TIMD4: variants seen among roughly 807,000 people sequenced by gnomAD.
TIMD4 encodes T-cell immunoglobulin and mucin domain-containing protein 4.
In TIMD4, 31 loss-of-function variants were observed where a neutral mutation model predicts 41.2. The observed-to-expected ratio is 0.75, with a 90% CI of 0.57 to 1.01. TIMD4 has a LOEUF of 1.01. TIMD4 is among the 50% of genes least tolerant of loss of function. TIMD4 has a pLI of 0.00. For missense variants in TIMD4, 479 were observed against 472.5 expected, an observed-to-expected ratio of 1.01 and a Z score of -0.13; for synonymous variants, 204 against 177.1, an observed-to-expected ratio of 1.15 and a Z score of -1.21.
rs183855915 is a variant in TIMD4 at position 156,940,369 on chromosome 5, G to T, written c.844+8047C>A. Among the ~76,000 whole-genome samples the T allele has an allele frequency of 1.9e-4, 29 of 152,266 alleles. No homozygotes were observed. In the South Asian group the frequency reaches 3.9e-3, roughly 21 times the overall value. On this transcript the variant is annotated intron_variant, in intron 5 of 8. Transcript: ENST00000274532. ...AGTGCTGAGATTGCAGCCTCTGCCCGGCCGCCACCCCATCTAGGAAGTGAG... is the reference window on the plus strand; with the variant it reads ...AGTGCTGAGATTGCAGCCTCTGCCCTGCCGCCACCCCATCTAGGAAGTGAG...
At chr5:156,954,260 C>T (rs1759919559) in intron 2 of TIMD4, among the ~76,000 whole-genome samples, 155 bp downstream of exon 2, 1 of 152,186 alleles carries the variant, frequency 6.6e-6, no homozygotes, top group African/African-American at 2.4e-5. Context: ...TTTGTATTTA[C>T]TTGCCTACTT....
At chr5:156,935,621 C>T (rs754089591) in intron 5 of TIMD4, 7 of 152,146 alleles carry the variant, frequency 4.6e-5, no homozygotes, top group Non-Finnish European at 7.4e-5. Flanking sequence ...TGGTGAGATA[C>T]TGTCACATTT....
chr5:156,927,043 A>C (rs1452117985), intron 5 of TIMD4, among the ~76,000 whole-genome samples: 4 of 152,212 alleles, frequency 2.6e-5, no homozygotes, highest in Admixed American at 2.6e-4. Flanking sequence ...AGTCCATTAG[A>C]GAAGAGAGAC....
chr5:156,963,209 G>C lies in TIMD4; in HGVS notation c.-11C>G. 1 of 1,614,062 alleles carries C rather than the reference G, an allele frequency of 6.2e-7. No homozygotes were observed. The highest frequency in any genetic ancestry group is 1.3e-5 in the African/African-American group (1 of 75,066). On this transcript the variant is annotated 5_prime_UTR_variant, in exon 1 of 9. Coordinates refer to ENST00000274532, the MANE Select transcript of TIMD4 (RefSeq NM_138379.3). ...AGGTTCTTTGGACATTTTGACGGTT[G>C]ACCGGACCCAGGAGTCTGTCTATCT... is the stretch of plus-strand genomic sequence containing the variant.
chr5:156,925,961 T>A (rs1402975612), intron 6 of TIMD4, among the ~76,000 whole-genome samples: 1 of 152,246 alleles, frequency 6.6e-6, no homozygotes, highest in South Asian at 2.1e-4. Context: ...TGGAGTGCAA[T>A]AGCGCCATCT....
intron 5 of TIMD4, among the ~76,000 whole-genome samples, chr5:156,934,822 G>A (rs1009539572): frequency 2.6e-5 from 4 of 151,692 alleles, no homozygotes; most frequent in South Asian, 2.1e-4. Flanking sequence ...AGAAATCAAC[G>A]GAAAAGAAGA....
chr5:156,927,223 C>G (rs1170552795), intron 5 of TIMD4, among the ~76,000 whole-genome samples: 1 of 152,252 alleles, frequency 6.6e-6, no homozygotes, highest in African/African-American at 2.4e-5. Flanking sequence ...ACTACTGAGA[C>G]TGTGATACCA....
chr5:156,933,544 G>GTTGTT (rs60102527), intron 5 of TIMD4, among the ~76,000 whole-genome samples: 30,895 of 144,174 alleles, frequency 0.21, 3,515 homozygotes, highest in Admixed American at 0.3. Context: ...GGGTGAGAGT[G>GTTGTT]TTGTTTTGTT....
intron 5 of TIMD4, among the ~76,000 whole-genome samples, chr5:156,930,056 C>T (rs962831996): frequency 2.0e-5 from 3 of 152,152 alleles, no homozygotes; most frequent in South Asian, 2.1e-4. Flanking sequence ...CTGCAACCTC[C>T]GCCTACCAGG....
At chr5:156,929,247 T>C (rs1759405233) in intron 5 of TIMD4, among the ~76,000 whole-genome samples, 1 of 152,150 alleles carries the variant, frequency 6.6e-6, no homozygotes, top group Non-Finnish European at 1.5e-5. Flanking sequence ...CCCCAGCCCT[T>C]AGATTCTCAA....
chr5:156,952,769 G>T (rs532075556), intron 2 of TIMD4, among the ~76,000 whole-genome samples: 1 of 152,292 alleles, frequency 6.6e-6, no homozygotes, highest in South Asian at 2.1e-4. Context: ...TAAACTTTAA[G>T]CACCATGAGG....
chr5:156,948,403 A>C lies in TIMD4; in HGVS notation c.844+13T>G. ...AAAGTAAAATAAAATAAAAAAAATC[A>C]CAGCCCCCCTACCTCCAGGCTGAGG... On this transcript the variant is annotated intron_variant, in intron 5 of 8. Transcript: ENST00000274532. 1 of 1,374,568 alleles carries C rather than the reference A, an allele frequency of 7.3e-7. No homozygotes were observed. Among genetic ancestry groups the C allele is most frequent in the Non-Finnish European group, 9.4e-7 (1 of 1,060,516 alleles). The allele number at this position is 1,374,568 out of a possible 1,614,324, so 85.1% of individuals were successfully genotyped here.
At chr5:156,934,029 G>A (rs1392119874) in intron 5 of TIMD4, among the ~76,000 whole-genome samples, 1 of 152,194 alleles carries the variant, frequency 6.6e-6, no homozygotes, top group Non-Finnish European at 1.5e-5. Flanking sequence ...ACCAGAACCT[G>A]CTTTGTCACT....
chr5:156,920,511 G>T lies in TIMD4; in HGVS notation c.1013-8C>A, dbSNP rs746469010. 3.4e-5 allele frequency: 55 copies of T among 1,613,876 alleles called. No individual in the cohort carries two copies. Among genetic ancestry groups the T allele is most frequent in the Admixed American group, 1.0e-4 (6 of 59,976 alleles). On this transcript the variant is annotated splice_polypyrimidine_tract_variant and splice_region_variant and intron_variant, in intron 7 of 8. Transcript: ENST00000274532. The stretch of plus-strand genomic sequence containing the variant: ...AGGTTTCCATGAGTTTCCCTGAAAA[G>T]ACAAGGCCACAGTGTGAGCAGAGTG...
rs762338504 is a variant in TIMD4 at position 156,954,643 on chromosome 5, G to C, written c.172C>G (p.Gln58Glu). The change falls in exon 2 of 9, where the codon CAG (glutamine) becomes GAG (glutamate). Residue 58 changes from glutamine (Q) to glutamate (E), a missense_variant. Coordinates refer to ENST00000274532, the MANE Select transcript of TIMD4 (RefSeq NM_138379.3). ...NSNSMCWGKD[Q>E]CPYSGCKEAL... ...TCCTTGCAACCGGAGTAGGGGCACT[G>C]GTCTTTCCCCCAGCACATGCTGTTG... 6.8e-6 allele frequency: 11 copies of C among 1,614,104 alleles called. No homozygotes were observed. The East Asian group carries it at 2.2e-4, about 33-fold the overall frequency.
chr5:156,946,406 T>G (rs374114126), intron 5 of TIMD4, among the ~76,000 whole-genome samples: 3 of 152,338 alleles, frequency 2.0e-5, no homozygotes, highest in East Asian at 3.9e-4. Context: ...CATTTCATCC[T>G]AAGTTACAGT....
Position 156,919,331 on chromosome 5 carries a change from C to G in TIMD4, c.*126G>C, listed in dbSNP as rs1308799854. 2.4e-6 allele frequency: 2 copies of G among 835,392 alleles called. No individual in the cohort carries two copies. Among genetic ancestry groups the G allele is most frequent in the Admixed American group, 2.5e-5 (1 of 40,642 alleles). The allele number at this position is 835,392 out of a possible 1,614,324, so 51.7% of individuals were successfully genotyped here. A position where few individuals can be genotyped will look rare whatever the true frequency, so the allele number is the denominator to read the frequency against. On this transcript the variant is annotated 3_prime_UTR_variant, in exon 9 of 9. Transcript: ENST00000274532. The stretch of plus-strand genomic sequence containing the variant: ...GTACCCTTCATTCATGAAACTAAAG[C>G]AAGCCTGGATCAATGACATCCATGG...
At chr5:156,944,471 T>A (rs1197734691) in intron 5 of TIMD4, among the ~76,000 whole-genome samples, 2 of 146,920 alleles carry the variant, frequency 1.4e-5, no homozygotes, top group Admixed American at 1.3e-4. Flanking sequence ...GACTCCTAGC[T>A]CTCCCGCTGT....
chr5:156,954,650 C>T lies in TIMD4; in HGVS notation c.165G>A (p.Gly55=), dbSNP rs200057009. 1.9e-6 allele frequency: 3 copies of T among 1,614,198 alleles called. No homozygotes were observed. Among genetic ancestry groups the T allele is most frequent in the South Asian group, 2.2e-5 (2 of 91,086 alleles). The change falls in exon 2 of 9, where the codon GGG becomes GGA. Residue 55 remains glycine (G), a synonymous_variant. Coordinates refer to ENST00000274532, the MANE Select transcript of TIMD4 (RefSeq NM_138379.3). ...WSHNSNSMCW[G]KDQCPYSGCK... is the part of the protein sequence containing the mutation. ...AACCGGAGTAGGGGCACTGGTCTTT[C>T]CCCCAGCACATGCTGTTGCTGTTGT... is the stretch of plus-strand genomic sequence containing the variant.
Sources: gnomAD v4.1 joint callset for allele counts (sites outside exome capture counted in the v4.1 genomes callset) on GRCh38, gnomAD v4.1.1 for gene constraint, MANE v1.5 for transcripts, NCBI Gene and HGNC (gene_info 2026-07-23, HGNC 2026-07-21) for gene names.